The following SGK1 variants were observed in gnomAD, a reference collection of about 807,000 sequenced individuals.
SGK1 encodes serum/glucocorticoid regulated kinase 1.
Under a neutral mutation model 64.2 loss-of-function variants are expected in SGK1, and 26 were observed. The observed-to-expected ratio is 0.40, with a 90% confidence interval of 0.30 to 0.56. SGK1 has a LOEUF of 0.56. Among genes scored for constraint, SGK1 ranks in the 20% least tolerant of loss-of-function variants. The probability of loss-of-function intolerance (pLI) is 0.38; values close to 1 mark genes in which losing one functional copy is unlikely to be tolerated. For synonymous variants in SGK1, 265 were observed against 239.7 expected (o/e 1.11, Z -0.98); for missense variants, 519 against 645.6 (o/e 0.80, Z 2.12).
At chr6:134,221,842 A>G (rs1263910179) in intron 2 of SGK1, among the ~76,000 whole-genome samples, 1 of 151,948 alleles carries the variant, frequency 6.6e-6, no homozygotes, top group African/African-American at 2.4e-5. Context: ...TTGTAGAGAC[A>G]GGGTTTCACC....
At chr6:134,254,603 C>A (rs1438946460) in intron 2 of SGK1, among the ~76,000 whole-genome samples, 3 of 152,142 alleles carry the variant, frequency 2.0e-5, no homozygotes, top group Non-Finnish European at 4.4e-5. Flanking sequence ...TCCTCCTTGA[C>A]TCATCTCCTC....
intron 1 of SGK1, among the ~76,000 whole-genome samples, chr6:134,294,627 A>G (rs1165015860): frequency 6.6e-6 from 1 of 152,112 alleles, no homozygotes; most frequent in African/African-American, 2.4e-5. Context: ...CCTCGCCTCC[A>G]GGGTTCAAGT....
chr6:134,214,656 G>C (rs1014893435), intron 2 of SGK1, among the ~76,000 whole-genome samples: 3 of 29,274 alleles, frequency 1.0e-4, no homozygotes, highest in Non-Finnish European at 2.2e-4. Context: ...CTGAAAAACA[G>C]AATATGTGCA....
At chr6:134,243,019 A>G (rs969124890) in intron 2 of SGK1, among the ~76,000 whole-genome samples, 1 of 151,502 alleles carries the variant, frequency 6.6e-6, no homozygotes, top group Non-Finnish European at 1.5e-5. Flanking sequence ...ATAAAAATAG[A>G]TATTTCAACT....
intron 2 of SGK1, among the ~76,000 whole-genome samples, chr6:134,220,058 CAAAAAAAAAAAAAAAAAAAAA>C (rs55870107): frequency 1.6e-5 from 1 of 61,380 alleles, no homozygotes; most frequent in Non-Finnish European, 2.5e-5. Context: ...GACTCCGTCT[CAAAAAAAAAAAAAAAAAAAAA>C]AAAAAAAAGA....
rs187585208 is a variant in SGK1, at chr6:134,315,577, A to C, written c.69+1815T>G. On this transcript the variant is annotated intron_variant, in intron 1 of 13. Coordinates refer to ENST00000367858, the MANE Select transcript of SGK1 (RefSeq NM_001143676.3). ...TTTGATAACAAAGAAAATAAAAGAC[A>C]ATTTAAAATTTATGTAACTTAAATC... Among the ~76,000 whole-genome samples the C allele has an allele frequency of 3.5e-4, 53 of 152,354 alleles. 1 individual carries two copies. The highest frequency in any genetic ancestry group is 1.2e-3 in the Admixed American group (19 of 15,306).
chr6:134,206,370 TATATATATATATA>T (rs1290167972), intron 3 of SGK1, among the ~76,000 whole-genome samples: 387 of 6,660 alleles, frequency 0.058, 1 homozygote, highest in Non-Finnish European at 0.11. Flanking sequence ...TATATATATA[TATATATATATATA>T]TTTTTTTTTT....
At chr6:134,239,175 C>G (rs1776407556) in intron 2 of SGK1, among the ~76,000 whole-genome samples, 1 of 152,186 alleles carries the variant, frequency 6.6e-6, no homozygotes, top group Non-Finnish European at 1.5e-5. Context: ...TGAAGGACAG[C>G]CATCTGGTGC....
chr6:134,173,870 C>T lies in SGK1; in HGVS notation c.513+135G>A, dbSNP rs536492669. The T allele has an allele frequency of 2.7e-4, 181 of 669,478 alleles. 1 individual carries two copies. In the South Asian group the frequency reaches 3.5e-3, roughly 13 times the overall value. 41.5% of individuals were successfully genotyped at this position (669,478 alleles called of 1,614,324 possible). ...TGACTCAATACTTAAATATTTATATCACTTGTTATGCCATAATGAAGCATT... is the reference window on the plus strand; with the variant it reads ...TGACTCAATACTTAAATATTTATATTACTTGTTATGCCATAATGAAGCATT... On this transcript the variant is annotated intron_variant, in intron 5 of 13. Transcript: ENST00000367858.
intron 2 of SGK1, among the ~76,000 whole-genome samples, chr6:134,225,351 GGAAAAA>G (rs1776158460): frequency 1.0e-5 from 1 of 97,868 alleles, no homozygotes; most frequent in Admixed American, 1.3e-4. Context: ...ACTCCATCTC[GGAAAAA>G]AAAAAAAAAA....
intron 3 of SGK1, among the ~76,000 whole-genome samples, chr6:134,186,972 A>G (rs1453928462): frequency 1.3e-5 from 2 of 151,934 alleles, no homozygotes; most frequent in Non-Finnish European, 2.9e-5. Context: ...ACCCACCACT[A>G]TGCCCGGCTA....
intron 1 of SGK1, among the ~76,000 whole-genome samples, chr6:134,282,465 A>T (rs1166419328): frequency 2.6e-5 from 4 of 152,104 alleles, no homozygotes; most frequent in Non-Finnish European, 4.4e-5. Flanking sequence ...CAGCCTGGCC[A>T]ACATGGTGAA....
intron 1 of SGK1, among the ~76,000 whole-genome samples, chr6:134,305,765 G>A (rs1387285131): frequency 1.3e-5 from 2 of 152,008 alleles, no homozygotes; most frequent in Non-Finnish European, 2.9e-5. Context: ...TCCCACCTCA[G>A]CCTCCCAAAG....
chr6:134,314,681 T>G (rs1286814558), intron 1 of SGK1, among the ~76,000 whole-genome samples: 2 of 152,182 alleles, frequency 1.3e-5, no homozygotes, highest in African/African-American at 2.4e-5. Context: ...ACCTATATTC[T>G]CCTTCAGTTT....
At chr6:134,214,571 C>T (rs1006357481) in intron 2 of SGK1, among the ~76,000 whole-genome samples, 7 of 62,270 alleles carry the variant, frequency 1.1e-4, no homozygotes, top group Non-Finnish European at 1.9e-4. Context: ...CAGAGGGATA[C>T]GCTGTCTCAA....
intron 1 of SGK1, among the ~76,000 whole-genome samples, chr6:134,301,644 G>A (rs746229973): frequency 9.2e-5 from 14 of 151,956 alleles, no homozygotes; most frequent in Non-Finnish European, 1.8e-4. Context: ...AGGCTGGAGT[G>A]TAGTGGTGTG....
intron 3 of SGK1, chr6:134,174,947 C>T (rs1445184415): frequency 2.1e-6 from 3 of 1,442,380 alleles, no homozygotes; most frequent in Non-Finnish European, 1.8e-6. Flanking sequence ...TGGCCCCGCC[C>T]TTCGCCTCGC....
chr6:134,194,573 C>CAGT (rs954651555), intron 3 of SGK1, among the ~76,000 whole-genome samples: 1 of 148,420 alleles, frequency 6.7e-6, no homozygotes, highest in Non-Finnish European at 1.5e-5. Flanking sequence ...GGCTGGAGTG[C>CAGT]AGTGGCACGA....
intron 10 of SGK1, 102 bp downstream of exon 10, chr6:134,172,091 C>G: frequency 2.3e-6 from 3 of 1,294,034 alleles, no homozygotes; most frequent in Non-Finnish European, 3.3e-6. Flanking sequence ...ATTAAGAAGT[C>G]TCTGAGAGGA....
Sources: allele counts gnomAD v4.1 joint callset (sites outside exome capture counted in the v4.1 genomes callset), GRCh38; gene constraint gnomAD v4.1.1; transcripts MANE v1.5; gene names NCBI Gene and HGNC (gene_info 2026-07-23, HGNC 2026-07-21).